Variants in NTM observed in about 807,000 individuals in gnomAD.
NTM encodes the protein neurotrimin, also known as IgLON family member 2.
Under a neutral mutation model 42.1 loss-of-function variants are expected in NTM, and 13 were observed. That is an observed-to-expected ratio of 0.31 (90% CI 0.20 to 0.49). NTM has a LOEUF of 0.49. Ranked by LOEUF, NTM falls within the 20% of genes least tolerant of loss-of-function variation. NTM has a pLI of 0.99. For missense variants in NTM, 373 were observed against 452.8 expected (o/e 0.82, Z 1.60); for synonymous variants, 187 against 179.2 (o/e 1.04, Z -0.35).
intron 4 of NTM, among the ~76,000 whole-genome samples, chr11:132,228,398 C>A (rs1018260795): frequency 6.6e-5 from 10 of 152,146 alleles, no homozygotes; most frequent in African/African-American, 2.2e-4. Flanking sequence ...TGCCGCCATA[C>A]CTTGCCCATC....
chr11:132,016,769 T>A (rs1308805846), intron 2 of NTM, among the ~76,000 whole-genome samples: 1 of 151,024 alleles, frequency 6.6e-6, no homozygotes, highest in East Asian at 1.9e-4. Flanking sequence ...CAACAATTTA[T>A]GAGTTTTCTG....
chr11:132,168,224 A>C (rs955780870), intron 3 of NTM, among the ~76,000 whole-genome samples: 1 of 152,224 alleles, frequency 6.6e-6, no homozygotes, highest in Non-Finnish European at 1.5e-5. Context: ...GCAACTCATC[A>C]GATACTACCT....
chr11:131,834,379 T>C (rs577602448), intron 1 of NTM, among the ~76,000 whole-genome samples: 1 of 152,172 alleles, frequency 6.6e-6, no homozygotes, highest in South Asian at 2.1e-4. Flanking sequence ...TCTAACTAAT[T>C]ACTGATTTAT....
At chr11:132,222,324 A>G (rs1223509845) in intron 4 of NTM, among the ~76,000 whole-genome samples, 2 of 152,128 alleles carry the variant, frequency 1.3e-5, no homozygotes, top group East Asian at 1.9e-4. Flanking sequence ...TGTTTTCCTC[A>G]TGTTAAATGC....
At chr11:132,320,283 G>C (rs1006431463) in intron 7 of NTM, among the ~76,000 whole-genome samples, 2 of 152,212 alleles carry the variant, frequency 1.3e-5, no homozygotes, top group Admixed American at 6.5e-5. Flanking sequence ...TCTCATTAAG[G>C]AGTGCCAGAC....
chr11:131,410,103 G>C (rs983009972), intron 1 of NTM, among the ~76,000 whole-genome samples: 2 of 152,130 alleles, frequency 1.3e-5, no homozygotes, highest in African/African-American at 4.8e-5. Flanking sequence ...AGGCAGGCCA[G>C]GCACGGGTCT....
chr11:132,113,447 G>T (rs1241808234), intron 2 of NTM, among the ~76,000 whole-genome samples: 1 of 152,084 alleles, frequency 6.6e-6, no homozygotes. Flanking sequence ...TTCCCTCTAG[G>T]TCTCTTTCAG....
chr11:132,031,018 A>G (rs558661781), intron 2 of NTM, among the ~76,000 whole-genome samples: 113 of 152,288 alleles, frequency 7.4e-4, no homozygotes, highest in Middle Eastern at 6.8e-3. Context: ...TTGATGGAAC[A>G]CCAGGGCGCA....
rs1179699940 is a variant in NTM, at chr11:132,021,250, ACT to A, written c.167+109607_167+109608del. On this transcript the variant is annotated intron_variant, in intron 2 of 8. Coordinates refer to ENST00000683400, the MANE Select transcript of NTM (RefSeq NM_001352005.2). The stretch of plus-strand genomic sequence containing the variant: ...TTTATACTTTTGTTTCCTTTGTTAG[ACT>A]CTCTACATATGGATTTTTTTGTTGT... Among the ~76,000 whole-genome samples, 4 of 151,436 alleles carry A rather than the reference ACT, an allele frequency of 2.6e-5. 1 individual carries two copies. In the East Asian group the frequency reaches 7.8e-4, roughly 29 times the overall value.
chr11:131,875,918 G>A (rs1253909468), intron 1 of NTM, among the ~76,000 whole-genome samples: 1 of 152,214 alleles, frequency 6.6e-6, no homozygotes, highest in Non-Finnish European at 1.5e-5. Context: ...TGAAGGGTGA[G>A]TGGTGGCAGA....
intron 1 of NTM, chr11:131,771,555 G>C (rs972198000): frequency 2.6e-5 from 4 of 152,144 alleles, no homozygotes; most frequent in African/African-American, 9.7e-5. Context: ...TTTAGAGTCA[G>C]AAATTTTCAG....
At chr11:131,541,434 C>T (rs1416574830) in intron 1 of NTM, among the ~76,000 whole-genome samples, 1 of 152,138 alleles carries the variant, frequency 6.6e-6, no homozygotes, top group Non-Finnish European at 1.5e-5. Context: ...TATATGTTAC[C>T]TACAATACAT....
intron 4 of NTM, among the ~76,000 whole-genome samples, chr11:132,227,950 G>T (rs1307201807): frequency 2.0e-5 from 3 of 152,178 alleles, no homozygotes; most frequent in African/African-American, 7.2e-5. Flanking sequence ...GACCAAGGCA[G>T]AAGTTCTCAA....
At chr11:131,946,408 CA>C (rs1189018295) in intron 2 of NTM, among the ~76,000 whole-genome samples, 2 of 151,946 alleles carry the variant, frequency 1.3e-5, no homozygotes, top group Admixed American at 1.3e-4. Flanking sequence ...GCCACAAGGT[CA>C]AATAGGCCAT....
intron 2 of NTM, among the ~76,000 whole-genome samples, chr11:132,056,065 A>G (rs2079605658): frequency 1.3e-5 from 2 of 152,224 alleles, no homozygotes; most frequent in Non-Finnish European, 2.9e-5. Context: ...GGAAATTCTC[A>G]TGAGCAGGTT....
intron 2 of NTM, among the ~76,000 whole-genome samples, chr11:131,923,457 G>C (rs1371565727): frequency 6.6e-6 from 1 of 152,208 alleles, no homozygotes; most frequent in Non-Finnish European, 1.5e-5. Context: ...TTATTAAACA[G>C]AGTTCAGATA....
At chr11:131,497,973 AC>A (rs1955525490) in intron 1 of NTM, among the ~76,000 whole-genome samples, 1 of 152,184 alleles carries the variant, frequency 6.6e-6, no homozygotes, top group African/African-American at 2.4e-5. Flanking sequence ...GTGTGGTCCA[AC>A]CCTAGCCAAC....
intron 1 of NTM, among the ~76,000 whole-genome samples, chr11:131,420,647 C>T (rs1051356499): frequency 3.9e-5 from 6 of 152,064 alleles, no homozygotes; most frequent in Non-Finnish European, 8.8e-5. Flanking sequence ...GAGACTGGCT[C>T]CCATTCTCAT....
intron 2 of NTM, among the ~76,000 whole-genome samples, chr11:131,937,949 C>A (rs975198390): frequency 7.9e-5 from 12 of 152,174 alleles, no homozygotes; most frequent in African/African-American, 2.9e-4. Flanking sequence ...TGAGCCAAGC[C>A]TGAAAATAAT....
Sources: gnomAD v4.1 joint callset for allele counts (sites outside exome capture counted in the v4.1 genomes callset) on GRCh38, gnomAD v4.1.1 for gene constraint, MANE v1.5 for transcripts, NCBI Gene and HGNC (gene_info 2026-07-23, HGNC 2026-07-21) for gene names.